Variants in IL10RB observed in about 807,000 individuals in gnomAD.
The protein encoded by IL10RB is interleukin-10 receptor subunit beta.
Under a neutral mutation model 38.7 loss-of-function variants are expected in IL10RB, and 30 were observed. That is an observed-to-expected ratio of 0.78 (90% CI 0.58 to 1.05). The LOEUF (loss-of-function observed/expected upper bound fraction) is 1.05. Ranked by LOEUF, IL10RB falls within the 50% of genes least tolerant of loss-of-function variation. The pLI is 0.00. For synonymous variants in IL10RB, 142 were observed against 145.9 expected (o/e 0.97, Z 0.19); for missense variants, 328 against 397.1 (o/e 0.83, Z 1.48).
In IL10RB at chr21:33,288,390, C is replaced by T. The variant is rs1166890917; in HGVS notation, c.804+129C>T. 9.6e-5 allele frequency: 68 copies of T among 705,520 alleles called. No individual in the cohort carries two copies. The East Asian group carries it at 1.2e-3, about 12-fold the overall frequency. The allele number at this position is 705,520 out of a possible 1,614,324, so 43.7% of individuals were successfully genotyped here. ...ACACACACGCGCGCGCGCACACACA[C>T]ACACACACACACACAGACACGCCTC... is the stretch of plus-strand genomic sequence containing the variant. On this transcript the variant is annotated intron_variant, in intron 6 of 6. Transcript: ENST00000290200.
At chr21:33,289,211 G>A (rs1458558204) in intron 6 of IL10RB, among the ~76,000 whole-genome samples, 26 of 152,364 alleles carry the variant, frequency 1.7e-4, no homozygotes. Flanking sequence ...GACAGCAGCA[G>A]CCAGGAGCTA....
At chr21:33,281,937 G>A (rs1192806203) in intron 4 of IL10RB, among the ~76,000 whole-genome samples, 2 of 152,058 alleles carry the variant, frequency 1.3e-5, no homozygotes, top group Non-Finnish European at 2.9e-5. Context: ...GCCCCAGCAG[G>A]GATTGAGAAG....
intron 4 of IL10RB, among the ~76,000 whole-genome samples, chr21:33,281,462 C>T (rs946767137): frequency 6.6e-6 from 1 of 152,204 alleles, no homozygotes; most frequent in African/African-American, 2.4e-5. Flanking sequence ...TCTGGTTACA[C>T]ATTTGTCCTC....
intron 6 of IL10RB, among the ~76,000 whole-genome samples, chr21:33,289,073 G>A (rs144896688): frequency 1.3e-5 from 2 of 152,332 alleles, no homozygotes; most frequent in South Asian, 2.1e-4. Context: ...GTGGCCTCTC[G>A]AGCTGGGGTG....
intron 1 of IL10RB, among the ~76,000 whole-genome samples, chr21:33,306,683 G>A (rs2082999768): frequency 6.6e-6 from 1 of 152,030 alleles, no homozygotes; most frequent in South Asian, 2.1e-4. Context: ...ACAGGTTCGT[G>A]CCACCATGCC....
intron 3 of IL10RB, among the ~76,000 whole-genome samples, chr21:33,278,508 G>A (rs891884230): frequency 6.6e-6 from 1 of 152,154 alleles, no homozygotes; most frequent in African/African-American, 2.4e-5. Context: ...TCCTATAATT[G>A]CTAACTGGCT....
intron 1 of IL10RB, 92 bp from the exon 2 acceptor site, chr21:33,268,302 C>CATAG (rs1384596168): frequency 6.3e-7 from 1 of 1,594,680 alleles, no homozygotes; most frequent in East Asian, 2.3e-5. Flanking sequence ...GACATGGAGC[C>CATAG]ATAGAGGAGA....
chr21:33,297,428 A>G (rs1468380115), downstream of IL10RB, among the ~76,000 whole-genome samples: 1 of 146,960 alleles, frequency 6.8e-6, no homozygotes, highest in Non-Finnish European at 1.5e-5. Flanking sequence ...CAGATCCGTT[A>G]TTAAAAAAAA....
At chr21:33,269,166 T>C (rs1601826816) in intron 2 of IL10RB, among the ~76,000 whole-genome samples, 3 of 152,138 alleles carry the variant, frequency 2.0e-5, no homozygotes, top group African/African-American at 7.2e-5. Context: ...GAAGAGTGAG[T>C]GTCACCCTAG....
chr21:33,268,202 G>A, intron 1 of IL10RB, 192 bp from the exon 2 acceptor site: 1 of 1,481,906 alleles, frequency 6.7e-7, no homozygotes, highest in Admixed American at 2.3e-5. Context: ...TGCCCCTCCA[G>A]AAATTTCTCC....
chr21:33,269,039 G>A (rs1392821153), intron 2 of IL10RB, among the ~76,000 whole-genome samples: 1 of 152,148 alleles, frequency 6.6e-6, no homozygotes, highest in Non-Finnish European at 1.5e-5. Flanking sequence ...CATGCGCGAT[G>A]CACATAATTT....
chr21:33,306,776 ATCC>A (rs1440632213), intron 1 of IL10RB, among the ~76,000 whole-genome samples: 1 of 152,008 alleles, frequency 6.6e-6, no homozygotes, highest in East Asian at 1.9e-4. Context: ...GGCTCAAGCA[ATCC>A]TCCTGCCTTG....
intron 6 of IL10RB, among the ~76,000 whole-genome samples, chr21:33,294,369 TTG>T (rs777911309): frequency 4.8e-4 from 64 of 132,664 alleles, no homozygotes; most frequent in African/African-American, 1.5e-3. Context: ...AGCCACCAGT[TTG>T]TGTGTGTGTG....
In IL10RB at chr21:33,306,296, T is replaced by C. The variant is rs1568915904; in HGVS notation, c.130-2680T>C. On this transcript the variant is annotated intron_variant, in intron 1 of 1. Coordinates refer to the IL10RB transcript ENST00000609556. ...ACAAAGCAAATTTAGATCCACAACA[T>C]TGACATTTTTATAAAAAGGTTTTTG... Among the ~76,000 whole-genome samples the C allele has an allele frequency of 2.0e-5, 3 of 152,182 alleles. No individual in the cohort carries two copies. The South Asian group carries it at 6.2e-4, about 31-fold the overall frequency.
At chr21:33,286,442 G>A (rs1396611731) in intron 5 of IL10RB, among the ~76,000 whole-genome samples, 2 of 152,166 alleles carry the variant, frequency 1.3e-5, no homozygotes, top group Admixed American at 6.5e-5. Flanking sequence ...ACCTGGAGCC[G>A]AACAAGGGGA....
chr21:33,288,906 T>G (rs889240479), intron 6 of IL10RB, among the ~76,000 whole-genome samples: 2 of 152,170 alleles, frequency 1.3e-5, no homozygotes, highest in African/African-American at 4.8e-5. Context: ...TTGGTCTCAT[T>G]TCCCAGGAAG....
intron 6 of IL10RB, chr21:33,294,213 C>T: frequency 5.9e-6 from 2 of 338,590 alleles, no homozygotes; most frequent in South Asian, 2.2e-5. Flanking sequence ...CCTCACATCA[C>T]GACTTTCTCC....
intron 6 of IL10RB, 90 bp from the exon 7 acceptor site, chr21:33,296,094 T>C: frequency 1.1e-6 from 1 of 885,072 alleles, no homozygotes; most frequent in Non-Finnish European, 1.8e-6. Flanking sequence ...AAATAGATTT[T>C]CCAGCCAGGA....
chr21:33,299,662 G>A (rs758966785), downstream of IL10RB, among the ~76,000 whole-genome samples: 5 of 152,282 alleles, frequency 3.3e-5, no homozygotes, highest in South Asian at 6.2e-4. Context: ...CACTGTGGCC[G>A]CCAGGAGAGC....
Sources: allele counts gnomAD v4.1 joint callset (sites outside exome capture counted in the v4.1 genomes callset), GRCh38; gene constraint gnomAD v4.1.1; transcripts MANE v1.5; gene names NCBI Gene and HGNC (gene_info 2026-07-23, HGNC 2026-07-21).